Variants in WDR70 observed in about 807,000 individuals in gnomAD.
WDR70 encodes WD repeat-containing protein 70.
A neutral mutation model predicts 88.6 loss-of-function variants in WDR70; 53 were observed. The ratio of observed to expected loss-of-function variants is 0.60; its 90% CI spans 0.48 to 0.75. The LOEUF (loss-of-function observed/expected upper bound fraction) is 0.75, where lower values mean the gene tolerates loss of function less well. WDR70 is among the 30% of genes least tolerant of loss of function. WDR70 has a pLI of 0.00. For missense variants in WDR70, 610 were observed against 823.2 expected (o/e 0.74, Z 3.17); for synonymous variants, 280 against 270.0 (o/e 1.04, Z -0.36).
intron 13 of WDR70, among the ~76,000 whole-genome samples, chr5:37,717,744 G>A (rs1362085429): frequency 2.0e-5 from 3 of 152,148 alleles, no homozygotes; most frequent in Non-Finnish European, 1.5e-5. Context: ...GGGATTGTTT[G>A]GTTTGGCAGG....
At chr5:37,429,450 C>T (rs1750236288) in intron 5 of WDR70, among the ~76,000 whole-genome samples, 1 of 151,676 alleles carries the variant, frequency 6.6e-6, no homozygotes, top group Non-Finnish European at 1.5e-5. Context: ...TTTTCCTATA[C>T]TTTCTCATTG....
At chr5:37,455,894 T>TCAG (rs1448708079) in intron 7 of WDR70, among the ~76,000 whole-genome samples, 1 of 152,120 alleles carries the variant, frequency 6.6e-6, no homozygotes, top group Non-Finnish European at 1.5e-5. Flanking sequence ...GACCCCCAGG[T>TCAG]AACCACTGAT....
At chr5:37,439,207 C>T (rs1461453681) in intron 6 of WDR70, among the ~76,000 whole-genome samples, 1 of 152,068 alleles carries the variant, frequency 6.6e-6, no homozygotes, top group Non-Finnish European at 1.5e-5. Flanking sequence ...TGTGAGCCAC[C>T]GTTCCCGGCT....
In WDR70 at chr5:37,695,737, A is replaced by G. The variant is rs1746962317; in HGVS notation, c.1093-1918A>G. ...ATGCAACTGCTTCAGCCCCACCTGC[A>G]ATCCAAGATAATCTCCCTATTTTAA... On this transcript the variant is annotated intron_variant, in intron 10 of 17. Transcript: ENST00000265107. Among the ~76,000 whole-genome samples the G allele has an allele frequency of 2.0e-5, 3 of 152,154 alleles. No homozygotes were observed. The South Asian group carries it at 6.2e-4, about 32-fold the overall frequency.
intron 8 of WDR70, chr5:37,506,229 AT>A: frequency 2.1e-6 from 2 of 969,406 alleles, no homozygotes; most frequent in Non-Finnish European, 3.4e-6. Context: ...TGGAGTTGCT[AT>A]CAAAAATCGG....
intron 10 of WDR70, among the ~76,000 whole-genome samples, chr5:37,629,611 G>T (rs2112521579): frequency 6.6e-6 from 1 of 152,082 alleles, no homozygotes; most frequent in East Asian, 1.9e-4. Context: ...TCAGCTCTAG[G>T]ATTTCTTTTT....
chr5:37,455,033 G>A (rs578043829), intron 7 of WDR70, among the ~76,000 whole-genome samples: 15 of 152,130 alleles, frequency 9.9e-5, no homozygotes, highest in Non-Finnish European at 2.1e-4. Context: ...CACAGTGCCT[G>A]GCACCTAGTA....
chr5:37,641,352 C>T (rs941989042), intron 10 of WDR70, among the ~76,000 whole-genome samples: 1 of 151,154 alleles, frequency 6.6e-6, no homozygotes, highest in East Asian at 2.0e-4. Flanking sequence ...GTGATCTGCC[C>T]ACCTCAACCT....
At chr5:37,624,705 T>A (rs144771817) in intron 10 of WDR70, among the ~76,000 whole-genome samples, 15 of 152,286 alleles carry the variant, frequency 9.8e-5, no homozygotes, top group African/African-American at 3.6e-4. Context: ...ACAGGGGAAA[T>A]TGTCCATTTT....
intron 9 of WDR70, among the ~76,000 whole-genome samples, chr5:37,567,441 C>T (rs780629914): frequency 7.2e-5 from 11 of 152,078 alleles, no homozygotes; most frequent in East Asian, 1.9e-4. Context: ...AAAAACTAAA[C>T]GATTTAAAAA....
intron 17 of WDR70, among the ~76,000 whole-genome samples, chr5:37,737,678 GCT>G (rs1748341187): frequency 6.6e-6 from 1 of 152,150 alleles, no homozygotes; most frequent in African/African-American, 2.4e-5. Flanking sequence ...TTAAGAGAGT[GCT>G]TTGGTGATAC....
chr5:37,705,232 T>TG (rs1343785475), intron 13 of WDR70, among the ~76,000 whole-genome samples: 1 of 152,142 alleles, frequency 6.6e-6, no homozygotes, highest in Non-Finnish European at 1.5e-5. Flanking sequence ...AGTGCATAGT[T>TG]GAAATGTTGA....
chr5:37,523,029 G>C (rs996899432), intron 9 of WDR70, among the ~76,000 whole-genome samples: 14 of 152,342 alleles, frequency 9.2e-5, no homozygotes, highest in African/African-American at 3.1e-4. Context: ...AGGCCTGCCT[G>C]CCTCTGTAGA....
At chr5:37,519,559 C>T (rs1741017476) in intron 9 of WDR70, among the ~76,000 whole-genome samples, 2 of 146,098 alleles carry the variant, frequency 1.4e-5, no homozygotes, top group African/African-American at 5.1e-5. Flanking sequence ...GCGCTCCTCA[C>T]CTCCCAGACG....
At chr5:37,634,855 G>T (rs894756692) in intron 10 of WDR70, among the ~76,000 whole-genome samples, 2 of 152,178 alleles carry the variant, frequency 1.3e-5, no homozygotes, top group African/African-American at 2.4e-5. Flanking sequence ...GACAGGGAAG[G>T]CTGTAATGAA....
At chr5:37,554,664 G>A (rs1280404000) in intron 9 of WDR70, among the ~76,000 whole-genome samples, 2 of 127,068 alleles carry the variant, frequency 1.6e-5, no homozygotes, top group Non-Finnish European at 3.3e-5. Context: ...ACTCACACAC[G>A]CATGCACCTG....
At chr5:37,606,315 C>T (rs1214074484) in intron 10 of WDR70, among the ~76,000 whole-genome samples, 1 of 152,188 alleles carries the variant, frequency 6.6e-6, no homozygotes, top group East Asian at 1.9e-4. Context: ...CTACTGTAAA[C>T]CTCATAAAGC....
At chr5:37,618,789 A>T (rs921481711) in intron 10 of WDR70, among the ~76,000 whole-genome samples, 2 of 152,176 alleles carry the variant, frequency 1.3e-5, no homozygotes, top group East Asian at 3.8e-4. Context: ...GCATTATTCA[A>T]GTTACATTTT....
At chr5:37,385,614 C>G (rs574777597) in intron 3 of WDR70, among the ~76,000 whole-genome samples, 1 of 151,076 alleles carries the variant, frequency 6.6e-6, no homozygotes, top group Non-Finnish European at 1.5e-5. Context: ...ATTATCTAAC[C>G]CATCAGTTTT....
Sources: allele counts gnomAD v4.1 joint callset (sites outside exome capture counted in the v4.1 genomes callset), GRCh38; gene constraint gnomAD v4.1.1; transcripts MANE v1.5; gene names NCBI Gene and HGNC (gene_info 2026-07-23, HGNC 2026-07-21).